PHF14: variants seen among roughly 807,000 people sequenced by gnomAD.
The protein encoded by PHF14 is PHD finger protein 14.
PHF14 carries 55 observed loss-of-function variants against 117.9 expected under a neutral mutation model. That is an observed-to-expected ratio of 0.47 (90% CI 0.38 to 0.58). The LOEUF (loss-of-function observed/expected upper bound fraction) is 0.58, where lower values mean the gene tolerates loss of function less well. PHF14 is among the 20% of genes least tolerant of loss of function. The pLI is 0.00. For missense variants in PHF14, 978 were observed against 1,122.2 expected (o/e 0.87, Z 1.84); for synonymous variants, 409 against 368.6 (o/e 1.11, Z -1.26).
rs145975250 is a variant in PHF14, at chr7:11,164,504, G to A, written c.2773-4912G>A. Among the ~76,000 whole-genome samples, 722 of 152,290 alleles carry A rather than the reference G, an allele frequency of 4.7e-3. 5 individuals are homozygous for A. The highest frequency in any genetic ancestry group is 0.017 in the African/African-American group (701 of 41,556). On this transcript the variant is annotated intron_variant, in intron 17 of 17. Transcript: ENST00000634607. The stretch of plus-strand genomic sequence containing the variant: ...AATTATAGCTGTATATTTCAGTGTA[G>A]AGGCTACAGGTGCCTTGCATTTGTT...
chr7:10,980,736 C>T (rs553132471), intron 2 of PHF14, among the ~76,000 whole-genome samples: 11 of 152,136 alleles, frequency 7.2e-5, no homozygotes, highest in Admixed American at 2.6e-4. Context: ...TACTTTTCTC[C>T]GCAGAAATAA....
intron 14 of PHF14, among the ~76,000 whole-genome samples, chr7:11,057,449 A>G (rs1785056447): frequency 6.6e-6 from 1 of 152,012 alleles, no homozygotes; most frequent in African/African-American, 2.4e-5. Flanking sequence ...ACCTTGGCTC[A>G]CTGCAACCTC....
intron 17 of PHF14, among the ~76,000 whole-genome samples, chr7:11,168,157 A>C (rs1376263296): frequency 6.6e-6 from 1 of 152,232 alleles, no homozygotes; most frequent in Non-Finnish European, 1.5e-5. Context: ...ATGAAATGAC[A>C]AACAGTGGCT....
In PHF14 at chr7:11,156,844, T is replaced by C. The variant is rs1426533312; in HGVS notation, c.2773-12572T>C. Among the ~76,000 whole-genome samples, 7 of 152,110 alleles carry C rather than the reference T, an allele frequency of 4.6e-5. 1 individual carries two copies. In the South Asian group the frequency reaches 1.5e-3, roughly 32 times the overall value. ...TTAACTTTCTACACTTAAGTTTATT[T>C]CCAAAGCATATAGTCCTTGATGTTG... On this transcript the variant is annotated intron_variant, in intron 17 of 17. Transcript: ENST00000634607.
intron 7 of PHF14, among the ~76,000 whole-genome samples, chr7:11,035,058 G>A (rs1220476545): frequency 1.3e-5 from 2 of 151,428 alleles, no homozygotes; most frequent in Non-Finnish European, 2.9e-5. Context: ...GGCCCTCCGT[G>A]TCTGTGGATT....
intron 3 of PHF14, among the ~76,000 whole-genome samples, chr7:10,987,812 G>A (rs1185796658): frequency 6.6e-6 from 1 of 151,942 alleles, no homozygotes; most frequent in South Asian, 2.1e-4. Context: ...ATCAGGTTTT[G>A]TATTGATCTA....
intron 16 of PHF14, among the ~76,000 whole-genome samples, chr7:11,070,410 A>G (rs1343302529): frequency 3.3e-5 from 5 of 152,216 alleles, no homozygotes; most frequent in Non-Finnish European, 5.9e-5. Flanking sequence ...TATTGATTTC[A>G]TCTCATTTGC....
At chr7:11,090,771 G>C (rs541545061) in intron 16 of PHF14, among the ~76,000 whole-genome samples, 6 of 152,048 alleles carry the variant, frequency 3.9e-5, no homozygotes, top group East Asian at 3.9e-4. Flanking sequence ...TTATGTAGAG[G>C]GTTTATAAGA....
At chr7:11,054,852 T>G (rs942025242) in intron 14 of PHF14, among the ~76,000 whole-genome samples, 3 of 152,166 alleles carry the variant, frequency 2.0e-5, no homozygotes, top group Non-Finnish European at 4.4e-5. Flanking sequence ...GTATTTTTAT[T>G]TTTGTCAGTT....
At chr7:10,985,431 G>A (rs1469390992) in intron 3 of PHF14, among the ~76,000 whole-genome samples, 1 of 151,856 alleles carries the variant, frequency 6.6e-6, no homozygotes, top group Admixed American at 6.6e-5. Flanking sequence ...TTATAAGCAG[G>A]CAGACATTTT....
At chr7:10,993,835 G>A (rs886669529) in intron 4 of PHF14, among the ~76,000 whole-genome samples, 1 of 151,470 alleles carries the variant, frequency 6.6e-6, no homozygotes, top group African/African-American at 2.4e-5. Flanking sequence ...ATGGTGAAAC[G>A]ACGTCTCTGC....
intron 17 of PHF14, among the ~76,000 whole-genome samples, chr7:11,163,293 C>T (rs1789103144): frequency 1.3e-5 from 2 of 152,080 alleles, no homozygotes; most frequent in African/African-American, 4.8e-5. Flanking sequence ...CAAAAAAATT[C>T]TTATGCTTTT....
At chr7:11,050,586 A>C (rs1784824797) in intron 13 of PHF14, among the ~76,000 whole-genome samples, 1 of 152,144 alleles carries the variant, frequency 6.6e-6, no homozygotes, top group South Asian at 2.1e-4. Flanking sequence ...AAATTTTCTC[A>C]GTGGTATTTG....
chr7:11,103,240 A>C, intron 16 of PHF14: 3 of 909,938 alleles, frequency 3.3e-6, no homozygotes, highest in Non-Finnish European at 3.9e-6. Flanking sequence ...CTCATGAATA[A>C]AGATATATCT....
Position 11,022,896 on chromosome 7 carries a change from G to A in PHF14, c.1234G>A (p.Val412Ile), listed in dbSNP as rs1467061584. The A allele has an allele frequency of 1.2e-6, 2 of 1,608,160 alleles. No homozygotes were observed. Residue 412 changes from valine (V) to isoleucine (I), a missense_variant, in exon 6 of 18, where the codon GTT becomes ATT. By Grantham distance (29) the Val-to-Ile change is conservative (BLOSUM62 3). Around this residue, in one of 7 missense-constraint regions of PHF14, gnomAD observed 86 missense variants for 137.8 expected, o/e 0.62. Transcript: ENST00000634607. ...RWVHIVCALYVPGVAFGDIDK... is the reference protein window; with the variant it reads ...RWVHIVCALYIPGVAFGDIDK... Reference sequence around the variant, plus strand: ...GGTTCATATTGTTTGTGCCCTGTATGTTCCTGGAGTAGCCTTTGGAGATAT... The same window carrying A: ...GGTTCATATTGTTTGTGCCCTGTATATTCCTGGAGTAGCCTTTGGAGATAT...
intron 17 of PHF14, among the ~76,000 whole-genome samples, chr7:11,164,747 G>A (rs1045460859): frequency 6.6e-6 from 1 of 152,004 alleles, no homozygotes; most frequent in Admixed American, 6.6e-5. Context: ...TACAATTATT[G>A]AAACCAAGAC....
At chr7:11,002,033 G>GT (rs1245374062) in intron 4 of PHF14, among the ~76,000 whole-genome samples, 1 of 150,658 alleles carries the variant, frequency 6.6e-6, no homozygotes, top group African/African-American at 2.5e-5. Context: ...CCTTATTTCT[G>GT]TTTGTGTTTT....
At chr7:11,027,557 T>A (rs888419372) in intron 6 of PHF14, among the ~76,000 whole-genome samples, 16 of 152,158 alleles carry the variant, frequency 1.1e-4, no homozygotes, top group African/African-American at 3.4e-4. Flanking sequence ...AATAAAAAAA[T>A]AAATAAATCT....
At chr7:11,164,109 A>G (rs1789130226) in intron 17 of PHF14, among the ~76,000 whole-genome samples, 1 of 152,224 alleles carries the variant, frequency 6.6e-6, no homozygotes, top group Admixed American at 6.5e-5. Flanking sequence ...TCATAAGAAT[A>G]TAGAAACATT....
Sources: allele counts gnomAD v4.1 joint callset (sites outside exome capture counted in the v4.1 genomes callset), GRCh38; gene constraint gnomAD v4.1.1; regional missense constraint gnomAD v4.1.1; transcripts MANE v1.5; gene names NCBI Gene and HGNC (gene_info 2026-07-23, HGNC 2026-07-21).